Variants in INPP5D observed in about 807,000 individuals in gnomAD.
INPP5D encodes inositol polyphosphate-5-phosphatase D.
INPP5D carries 33 observed loss-of-function variants against 122.9 expected under a neutral mutation model. That is an observed-to-expected ratio of 0.27 (90% CI 0.20 to 0.36). The LOEUF (loss-of-function observed/expected upper bound fraction) is 0.36, where lower values mean the gene tolerates loss of function less well. INPP5D is among the 10% of genes least tolerant of loss of function. The probability of loss-of-function intolerance (pLI) is 1.00; values close to 1 mark genes in which losing one functional copy is unlikely to be tolerated. For synonymous variants in INPP5D, 584 were observed against 576.2 expected, an observed-to-expected ratio of 1.01 and a Z score of -0.19; for missense variants, 1,053 against 1,412.7, an observed-to-expected ratio of 0.75 and a Z score of 4.08.
At position 233,163,756 on chromosome 2, in the gene INPP5D, G is replaced by T. The variant is rs756187010; in HGVS notation, c.1290G>T (p.Gly430=). ...KKITSWFLSK[G]QGKTRDDSAD... The stretch of plus-strand genomic sequence containing the variant: ...TCACGTCCTGGTTTCTCTCCAAGGG[G>T]CAGGGAAAGACGCGGGACGACTCTG... The change falls in exon 12 of 27, where the codon GGG becomes GGT. Residue 430 remains glycine, a synonymous_variant. Transcript: ENST00000445964. The T allele has an allele frequency of 6.2e-7, 1 of 1,613,820 alleles. No individual in the cohort carries two copies. The highest frequency in any genetic ancestry group is 1.1e-5 in the South Asian group (1 of 91,078).
At chr2:233,143,262 C>T (rs1022605764) in intron 6 of INPP5D, among the ~76,000 whole-genome samples, 22 of 152,294 alleles carry the variant, frequency 1.4e-4, no homozygotes, top group East Asian at 5.8e-4. Context: ...CAAGCACGAA[C>T]GCCCTGTTTG....
intron 21 of INPP5D, among the ~76,000 whole-genome samples, chr2:233,186,222 C>T (rs1377827431): frequency 6.6e-6 from 1 of 152,208 alleles, no homozygotes; most frequent in African/African-American, 2.4e-5. Flanking sequence ...GAAGGAAACT[C>T]AGGTGCAGGG....
chr2:233,148,440 T>C (rs1006092436), intron 9 of INPP5D, among the ~76,000 whole-genome samples: 2 of 152,110 alleles, frequency 1.3e-5, no homozygotes, highest in Non-Finnish European at 2.9e-5. Context: ...ACCCCGAGGC[T>C]GAGAAGCAAC....
intron 9 of INPP5D, among the ~76,000 whole-genome samples, chr2:233,157,139 G>T (rs1392680402): frequency 3.3e-5 from 5 of 152,190 alleles, no homozygotes; most frequent in African/African-American, 9.7e-5. Flanking sequence ...ATGTATCACC[G>T]ATTCTTCCTT....
At chr2:233,135,333 T>C (rs903302032) in intron 5 of INPP5D, among the ~76,000 whole-genome samples, 4 of 152,066 alleles carry the variant, frequency 2.6e-5, no homozygotes, top group African/African-American at 9.7e-5. Context: ...GTATCTGTGA[T>C]TACAGGCATG....
rs925662420 is a variant in INPP5D at position 233,190,068 on chromosome 2, G to A, written c.2446+131G>A. 20 of 1,397,698 alleles carry A rather than the reference G, an allele frequency of 1.4e-5. No individual in the cohort carries two copies. The Admixed American group carries it at 3.8e-4, about 26-fold the overall frequency. 86.6% of individuals were successfully genotyped at this position (1,397,698 alleles called of 1,614,324 possible). ...CCTCTCCTTTCCTCATCCCAGGGCT[G>A]CTAGTGGGACCGTCACCACTAAGTC... On this transcript the variant is annotated intron_variant, in intron 22 of 26. Coordinates refer to ENST00000445964, the MANE Select transcript of INPP5D (RefSeq NM_001017915.3).
chr2:233,062,901 TG>T (rs1691112659), intron 1 of INPP5D, among the ~76,000 whole-genome samples: 1 of 151,596 alleles, frequency 6.6e-6, no homozygotes, highest in Non-Finnish European at 1.5e-5. Flanking sequence ...ACTAATTAAA[TG>T]AATGATAACA....
At chr2:233,185,465 C>T (rs1385907543) in intron 20 of INPP5D, among the ~76,000 whole-genome samples, 2 of 152,018 alleles carry the variant, frequency 1.3e-5, no homozygotes, top group Non-Finnish European at 2.9e-5. Flanking sequence ...TATTAGGAAG[C>T]TTAAATTAGA....
intron 2 of INPP5D, among the ~76,000 whole-genome samples, chr2:233,110,942 A>C (rs991287281): frequency 1.8e-5 from 2 of 111,722 alleles, no homozygotes; most frequent in African/African-American, 1.3e-4. Context: ...AAAAACAACA[A>C]AAAAAAAAAA....
At chr2:233,179,021 G>A (rs1029010327) in intron 18 of INPP5D, among the ~76,000 whole-genome samples, 4 of 152,184 alleles carry the variant, frequency 2.6e-5, no homozygotes, top group Non-Finnish European at 4.4e-5. Flanking sequence ...GAAGAGCCCA[G>A]AGCAGCTACC....
chr2:233,118,591 T>C (rs1373748282), intron 2 of INPP5D, among the ~76,000 whole-genome samples: 1 of 152,250 alleles, frequency 6.6e-6, no homozygotes, highest in African/African-American at 2.4e-5. Flanking sequence ...ACACCTGCCT[T>C]TGCCTGGTTG....
At chr2:233,090,004 A>T (rs535323178) in intron 2 of INPP5D, among the ~76,000 whole-genome samples, 1 of 152,252 alleles carries the variant, frequency 6.6e-6, no homozygotes, top group Non-Finnish European at 1.5e-5. Flanking sequence ...CCCAGCGTCC[A>T]CATCCTCGCA....
At position 233,185,890 on chromosome 2, in the gene INPP5D, G is replaced by T; in HGVS notation, c.2323G>T (p.Glu775Ter). The change falls in exon 21 of 27, where the codon GAG becomes TAG. Residue 775 changes from glutamate (E) to a stop codon, truncating the protein, a stop_gained. Coordinates refer to ENST00000445964, the MANE Select transcript of INPP5D (RefSeq NM_001017915.3). LOFTEE classifies it high-confidence loss of function. ...EGENEEGSEG[E>*]LVVKFGETLP... ...AGAAAATGAAGAAGGAAGTGAGGGG[G>T]AGCTGGTGGTGAAGTTTGGTGAGAC... The T allele has an allele frequency of 6.2e-7, 1 of 1,609,104 alleles. No homozygotes were observed. The highest frequency in any genetic ancestry group is 8.5e-7 in the Non-Finnish European group (1 of 1,177,702).
chr2:233,091,640 G>A (rs895655356), intron 2 of INPP5D, among the ~76,000 whole-genome samples: 1 of 152,162 alleles, frequency 6.6e-6, no homozygotes, highest in Non-Finnish European at 1.5e-5. Flanking sequence ...ACGTAGATTG[G>A]GAACAGCTGA....
intron 9 of INPP5D, among the ~76,000 whole-genome samples, chr2:233,156,349 A>G (rs149515675): frequency 0.17 from 25,580 of 152,178 alleles, 3,888 homozygotes; most frequent in African/African-American, 0.4. Flanking sequence ...GAGTGCAGTG[A>G]CACGATCTTG....
At chr2:233,114,536 C>G (rs562694801) in intron 2 of INPP5D, among the ~76,000 whole-genome samples, 4 of 152,326 alleles carry the variant, frequency 2.6e-5, no homozygotes, top group African/African-American at 9.6e-5. Flanking sequence ...GGCAGGAGGT[C>G]TCCTTCCAGA....
chr2:233,194,112 A>G (rs1695121989), intron 23 of INPP5D, among the ~76,000 whole-genome samples, 151 bp downstream of exon 23: 1 of 152,080 alleles, frequency 6.6e-6, no homozygotes, highest in Non-Finnish European at 1.5e-5. Context: ...AATCTGGCCC[A>G]ACCCTCACTC....
In INPP5D at chr2:233,171,375, GA is replaced by G. The variant is rs1478693141; in HGVS notation, c.1989+224del. On this transcript the variant is annotated intron_variant, in intron 17 of 26. Coordinates refer to ENST00000445964, the MANE Select transcript of INPP5D (RefSeq NM_001017915.3). The stretch of plus-strand genomic sequence containing the variant: ...ACCCTTGTGATTTACCTTCTGTCCA[GA>G]TACTCTAAGATGCTGAGAGGACTTT... The G allele has an allele frequency of 1.3e-4, 69 of 520,366 alleles. 2 individuals carry two copies. The East Asian group carries it at 2.4e-3, about 18-fold the overall frequency. The allele number at this position is 520,366 out of a possible 1,614,324, so 32.2% of individuals were successfully genotyped here.
intron 2 of INPP5D, among the ~76,000 whole-genome samples, chr2:233,087,315 ATATT>A (rs915947889): frequency 6.6e-6 from 1 of 151,508 alleles, no homozygotes; most frequent in Non-Finnish European, 1.5e-5. Flanking sequence ...ATTTTATATT[ATATT>A]TATTTATTTA....
Sources: gnomAD v4.1 joint callset for allele counts (sites outside exome capture counted in the v4.1 genomes callset) on GRCh38, gnomAD v4.1.1 for gene constraint, MANE v1.5 for transcripts, NCBI Gene and HGNC (gene_info 2026-07-23, HGNC 2026-07-21) for gene names.